Variants in HSPA4L observed in about 807,000 individuals in gnomAD.
The protein encoded by HSPA4L is heat shock protein family A (Hsp70) member 4 like, also known as heat shock 70 kDa protein 4L.
A neutral mutation model predicts 100.3 loss-of-function variants in HSPA4L; 48 were observed. That is an observed-to-expected ratio of 0.48 (90% CI 0.38 to 0.61). The LOEUF (loss-of-function observed/expected upper bound fraction) is 0.61, where lower values mean the gene tolerates loss of function less well. HSPA4L is among the 20% of genes least tolerant of loss of function. HSPA4L has a pLI of 0.00. For synonymous variants in HSPA4L, 319 were observed against 328.2 expected (o/e 0.97, Z 0.30); for missense variants, 886 against 988.6 (o/e 0.90, Z 1.39).
chr4:127,787,594 A>G (rs1732754225), intron 1 of HSPA4L, among the ~76,000 whole-genome samples: 1 of 152,182 alleles, frequency 6.6e-6, no homozygotes. Context: ...AGTATTTTGC[A>G]AATTGCTTTC....
At chr4:127,799,354 A>T (rs1396702050) in intron 4 of HSPA4L, among the ~76,000 whole-genome samples, 1 of 152,096 alleles carries the variant, frequency 6.6e-6, no homozygotes, top group East Asian at 1.9e-4. Flanking sequence ...TTTATTTTCT[A>T]GCCATTTAGT....
chr4:127,809,335 A>G, intron 11 of HSPA4L: 2 of 1,146,232 alleles, frequency 1.7e-6, no homozygotes, highest in Non-Finnish European at 2.7e-6. Context: ...TTCTGGGATC[A>G]CGCTGAGCCG....
In HSPA4L at chr4:127,809,574, G is replaced by T; in HGVS notation, c.1378+1445G>T. The T allele has an allele frequency of 8.8e-6, 6 of 680,804 alleles. No individual in the cohort carries two copies. The South Asian group carries it at 9.8e-5, about 11-fold the overall frequency. 42.2% of individuals were successfully genotyped at this position (680,804 alleles called of 1,614,324 possible). ...GAACTGTGACTTTCAAAATTTTGGT[G>T]AACTTTGATATTTTTTGTTTGTTAA... On this transcript the variant is annotated intron_variant, in intron 11 of 18. Transcript: ENST00000296464.
chr4:127,822,697 T>C (rs1175554745), intron 14 of HSPA4L, 72 bp from the exon 15 acceptor site: 1 of 1,400,194 alleles, frequency 7.1e-7, no homozygotes, highest in Non-Finnish European at 9.9e-7. Context: ...TGTGAAGTGG[T>C]ATCTTGTGGT....
At chr4:127,788,665 A>G (rs1732784953) in intron 1 of HSPA4L, among the ~76,000 whole-genome samples, 1 of 152,192 alleles carries the variant, frequency 6.6e-6, no homozygotes. Context: ...GGGATAACTG[A>G]CAGAATCTGA....
At chr4:127,795,963 T>C (rs1733010117) in intron 3 of HSPA4L, 55 bp downstream of exon 3, 2 of 1,549,114 alleles carry the variant, frequency 1.3e-6, no homozygotes, top group Admixed American at 1.7e-5. Context: ...GTAAACCCAA[T>C]GTGATAATAT....
At chr4:127,831,759 T>C (rs1734089541) in intron 18 of HSPA4L, among the ~76,000 whole-genome samples, 1 of 152,066 alleles carries the variant, frequency 6.6e-6, no homozygotes, top group Admixed American at 6.6e-5. Flanking sequence ...TAGAAGGATA[T>C]CCACCAAAAG....
At chr4:127,789,904 G>A (rs936181398) in intron 1 of HSPA4L, among the ~76,000 whole-genome samples, 2 of 152,132 alleles carry the variant, frequency 1.3e-5, no homozygotes, top group African/African-American at 2.4e-5. Flanking sequence ...TACTTGGCAG[G>A]TATTTTTTAT....
chr4:127,800,507 G>C (rs941184186), intron 4 of HSPA4L, among the ~76,000 whole-genome samples: 1 of 152,048 alleles, frequency 6.6e-6, no homozygotes, highest in Non-Finnish European at 1.5e-5. Context: ...ATATGTATGT[G>C]TGTATGTATG....
In HSPA4L at chr4:127,803,633, T is replaced by C. The variant is rs1560658266; in HGVS notation, c.668T>C (p.Leu223Ser). Residue 223 changes from leucine (L) to serine (S), a missense_variant, in exon 7 of 19, where the codon TTG (leucine) becomes TCG (serine). By Grantham distance (145) the Leu-to-Ser change is moderately radical. Coordinates refer to ENST00000296464, the MANE Select transcript of HSPA4L (RefSeq NM_014278.4). The stretch of plus-strand genomic sequence containing the variant: ...TCTGCTTTTTCAATTAAACAGGTCT[T>C]GGCTACTACCTTTGATCCATATTTG... Reference protein sequence around the residue: ...CAFNKGKLKVLATTFDPYLGG... With the variant: ...CAFNKGKLKVSATTFDPYLGG... 6.2e-7 allele frequency: 1 copy of C among 1,610,272 alleles called. No homozygotes were observed. Among genetic ancestry groups the C allele is most frequent in the East Asian group, 2.2e-5 (1 of 44,810 alleles).
intron 16 of HSPA4L, among the ~76,000 whole-genome samples, chr4:127,824,198 A>T (rs1284279030): frequency 6.6e-6 from 1 of 152,218 alleles, no homozygotes; most frequent in Non-Finnish European, 1.5e-5. Flanking sequence ...GCTGAATAGT[A>T]TTCCGTTGTA....
chr4:127,830,675 A>C lies in HSPA4L; in HGVS notation c.2204A>C (p.Glu735Ala). The change falls in exon 18 of 19, where the codon GAA becomes GCA. Residue 735 changes from glutamate (E) to alanine (A), a missense_variant. Transcript: ENST00000296464. ...RYDHLDPTEM[E>A]KVEKCISDAM... ...GATCATCTGGATCCTACTGAAATGG[A>C]AAAGGTTGAAAAATGTATCAGTGAT... The C allele has an allele frequency of 6.2e-7, 1 of 1,606,084 alleles. No individual in the cohort carries two copies.
At chr4:127,803,435 T>C (rs1171079718) in intron 6 of HSPA4L, among the ~76,000 whole-genome samples, 194 bp from the exon 7 acceptor site, 1 of 152,150 alleles carries the variant, frequency 6.6e-6, no homozygotes, top group Non-Finnish European at 1.5e-5. Flanking sequence ...AAGTAGAAAA[T>C]TCAGAATAAG....
chr4:127,830,548 G>A, intron 17 of HSPA4L, 90 bp from the exon 18 acceptor site: 1 of 953,002 alleles, frequency 1.0e-6, no homozygotes, highest in Non-Finnish European at 1.5e-6. Flanking sequence ...CAGTCAATAA[G>A]AGTCTAAATT....
At chr4:127,802,339 G>A (rs945915475) in intron 6 of HSPA4L, among the ~76,000 whole-genome samples, 2 of 152,062 alleles carry the variant, frequency 1.3e-5, no homozygotes, top group Non-Finnish European at 2.9e-5. Flanking sequence ...TTACTTCTGT[G>A]TGCTTCTTAC....
chr4:127,832,629 A>T (rs1734111256), intron 18 of HSPA4L, 54 bp from the exon 19 acceptor site: 1 of 1,380,998 alleles, frequency 7.2e-7, no homozygotes, highest in East Asian at 2.4e-5. Flanking sequence ...TAGAAAGTTA[A>T]TGGTAACTTG....
chr4:127,796,946 T>G (rs555817000), intron 3 of HSPA4L, among the ~76,000 whole-genome samples: 1 of 152,240 alleles, frequency 6.6e-6, no homozygotes, highest in Admixed American at 6.5e-5. Context: ...ATAAACTTAA[T>G]GCTGTGCAAA....
chr4:127,788,270 A>G (rs945858687), intron 1 of HSPA4L, among the ~76,000 whole-genome samples: 4 of 152,154 alleles, frequency 2.6e-5, no homozygotes, highest in African/African-American at 9.7e-5. Flanking sequence ...TATTGTTTAT[A>G]TATTGTTAAA....
chr4:127,805,812 C>T lies in HSPA4L; in HGVS notation c.1244+19C>T, dbSNP rs1733339942. 2 of 1,479,612 alleles carry T rather than the reference C, an allele frequency of 1.4e-6. No individual in the cohort carries two copies. Among genetic ancestry groups the T allele is most frequent in the Non-Finnish European group, 9.4e-7 (1 of 1,061,302 alleles). The allele number at this position is 1,479,612 out of a possible 1,614,324, so 91.7% of individuals were successfully genotyped here. ...GAAGTGGGTAAGTTATTTTTAAAACCTTGATTAGAGCTTGTCATAAATCTT... is the reference window on the plus strand; with the variant it reads ...GAAGTGGGTAAGTTATTTTTAAAACTTTGATTAGAGCTTGTCATAAATCTT... On this transcript the variant is annotated intron_variant, in intron 10 of 18. Coordinates refer to ENST00000296464, the MANE Select transcript of HSPA4L (RefSeq NM_014278.4).
Sources: gnomAD v4.1 joint callset for allele counts (sites outside exome capture counted in the v4.1 genomes callset) on GRCh38, gnomAD v4.1.1 for gene constraint, MANE v1.5 for transcripts, NCBI Gene and HGNC (gene_info 2026-07-23, HGNC 2026-07-21) for gene names.